UXS1: variants seen among roughly 807,000 people sequenced by gnomAD.
The protein encoded by UXS1 is UDP-glucuronate decarboxylase 1.
Under a neutral mutation model 62.6 loss-of-function variants are expected in UXS1, and 33 were observed. The ratio of observed to expected loss-of-function variants is 0.53; its 90% CI spans 0.40 to 0.70. UXS1 has a LOEUF of 0.70. Among genes scored for constraint, UXS1 ranks in the 30% least tolerant of loss-of-function variants. The pLI is 0.00. For synonymous variants in UXS1, 213 were observed against 206.8 expected, an observed-to-expected ratio of 1.03 and a Z score of -0.26; for missense variants, 434 against 556.3, an observed-to-expected ratio of 0.78 and a Z score of 2.21.
At chr2:106,146,188 G>C (rs182402250) in intron 5 of UXS1, among the ~76,000 whole-genome samples, 1 of 152,230 alleles carries the variant, frequency 6.6e-6, no homozygotes, top group African/African-American at 2.4e-5. Flanking sequence ...GGTTATAGGC[G>C]GTGGGAGTGA....
intron 5 of UXS1, among the ~76,000 whole-genome samples, chr2:106,153,098 G>A (rs1247602418): frequency 6.6e-6 from 1 of 152,142 alleles, no homozygotes; most frequent in Non-Finnish European, 1.5e-5. Context: ...TAAATAGAAG[G>A]CAATAGATCT....
rs74373035 is a variant in UXS1 at position 106,192,548 on chromosome 2, T to A, written c.94+1600A>T. On this transcript the variant is annotated intron_variant, in intron 1 of 14. Transcript: ENST00000283148. ...CAGCCTGGGCTGAACAGAGCGAGAC[T>A]CCGTCTCAAAAAAAAAAAAAAAACT... Among the ~76,000 whole-genome samples, 50 of 81,652 alleles carry A rather than the reference T, an allele frequency of 6.1e-4. No individual in the cohort carries two copies. The East Asian group carries it at 0.015, about 25-fold the overall frequency. 53.6% of individuals were successfully genotyped at this position (81,652 alleles called of 152,430 possible).
chr2:106,194,267 C>A lies in UXS1; in HGVS notation c.-26G>T, dbSNP rs1200036036. 31 of 1,320,130 alleles carry A rather than the reference C, an allele frequency of 2.3e-5. 2 individuals are homozygous for A. In the Admixed American group the frequency reaches 8.8e-4, roughly 37 times the overall value. The allele number at this position is 1,320,130 out of a possible 1,614,324, so 81.8% of individuals were successfully genotyped here. A position where few individuals can be genotyped will look rare whatever the true frequency, so the allele number is the denominator to read the frequency against. On this transcript the variant is annotated 5_prime_UTR_variant, in exon 1 of 15. Coordinates refer to ENST00000283148, the MANE Select transcript of UXS1 (RefSeq NM_001253875.2). Reference sequence around the variant, plus strand: ...CCCCGGGAGCCGCGCGGGTCCAGGGCCCTACCGCGCGGGGGCCCGCCTGCT... The same window carrying A: ...CCCCGGGAGCCGCGCGGGTCCAGGGACCTACCGCGCGGGGGCCCGCCTGCT...
chr2:106,117,175 G>A (rs1044817615), intron 9 of UXS1, among the ~76,000 whole-genome samples: 2 of 152,206 alleles, frequency 1.3e-5, no homozygotes, highest in Non-Finnish European at 2.9e-5. Context: ...AGTACGCCCT[G>A]TGAGAGGTTG....
intron 5 of UXS1, among the ~76,000 whole-genome samples, chr2:106,150,218 T>C (rs946651096): frequency 6.6e-6 from 1 of 152,152 alleles, no homozygotes; most frequent in Non-Finnish European, 1.5e-5. Flanking sequence ...ACAGATTGTA[T>C]AACTAAAAGG....
chr2:106,159,957 C>G (rs971311732), intron 4 of UXS1: 1 of 152,174 alleles, frequency 6.6e-6, no homozygotes, highest in African/African-American at 2.4e-5. Flanking sequence ...ATGGGAGAGT[C>G]TGAGGGCAAG....
chr2:106,176,611 C>G (rs1016068217), intron 1 of UXS1, among the ~76,000 whole-genome samples: 1 of 152,164 alleles, frequency 6.6e-6, no homozygotes, highest in Non-Finnish European at 1.5e-5. Flanking sequence ...CCTGAAGGAG[C>G]CTTAGCCCTA....
chr2:106,113,614 G>A (rs551139109), intron 9 of UXS1, among the ~76,000 whole-genome samples: 97 of 152,322 alleles, frequency 6.4e-4, no homozygotes, highest in African/African-American at 2.2e-3. Context: ...TGCCATGGAT[G>A]GAAAAATTAA....
At chr2:106,182,237 C>T (rs1163806074) in intron 1 of UXS1, among the ~76,000 whole-genome samples, 1 of 152,160 alleles carries the variant, frequency 6.6e-6, no homozygotes, top group East Asian at 1.9e-4. Flanking sequence ...CTAACAATAG[C>T]TGAAGAGCAA....
At chr2:106,165,218 T>A (rs1683137449) in intron 2 of UXS1, among the ~76,000 whole-genome samples, 1 of 152,086 alleles carries the variant, frequency 6.6e-6, no homozygotes, top group African/African-American at 2.4e-5. Context: ...CCCCACCTAG[T>A]CATACACAGC....
At chr2:106,113,679 A>T (rs1025816633) in intron 9 of UXS1, among the ~76,000 whole-genome samples, 6 of 152,238 alleles carry the variant, frequency 3.9e-5, no homozygotes, top group African/African-American at 1.4e-4. Context: ...TACGTATCTA[A>T]TGTTTGATCC....
chr2:106,136,306 T>C (rs1425274091), intron 6 of UXS1, among the ~76,000 whole-genome samples: 1 of 143,746 alleles, frequency 7.0e-6, no homozygotes, highest in Non-Finnish European at 1.5e-5. Flanking sequence ...ACTTTTACAC[T>C]GTTGGTGGGA....
At chr2:106,162,981 T>G (rs1268201278) in intron 4 of UXS1, among the ~76,000 whole-genome samples, 1 of 152,218 alleles carries the variant, frequency 6.6e-6, no homozygotes, top group Non-Finnish European at 1.5e-5. Context: ...CTTTAATAAA[T>G]GCTGTCATTT....
chr2:106,103,421 T>C (rs1012145144), intron 11 of UXS1, among the ~76,000 whole-genome samples: 2 of 152,104 alleles, frequency 1.3e-5, no homozygotes, highest in African/African-American at 4.8e-5. Flanking sequence ...CAAGACTCCC[T>C]CAGAAAAGGG....
chr2:106,160,184 A>C (rs967078905), intron 4 of UXS1: 2 of 152,034 alleles, frequency 1.3e-5, no homozygotes, highest in African/African-American at 2.4e-5. Flanking sequence ...TCCCTCACCA[A>C]CTCAGCTAGG....
chr2:106,094,457 T>C (rs1378681702), intron 14 of UXS1, among the ~76,000 whole-genome samples: 1 of 152,216 alleles, frequency 6.6e-6, no homozygotes, highest in Non-Finnish European at 1.5e-5. Flanking sequence ...CTTGCTGGTA[T>C]AATGTCTACT....
At chr2:106,156,865 T>C (rs536116347) in intron 5 of UXS1, among the ~76,000 whole-genome samples, 77 of 152,354 alleles carry the variant, frequency 5.1e-4, no homozygotes, top group Admixed American at 2.4e-3. Flanking sequence ...ATGGAGGGCC[T>C]ACTGTATAAA....
At chr2:106,115,798 A>G (rs1184725380) in intron 9 of UXS1, among the ~76,000 whole-genome samples, 1 of 152,232 alleles carries the variant, frequency 6.6e-6, no homozygotes, top group African/African-American at 2.4e-5. Flanking sequence ...GAAAACTGCC[A>G]TCATTATTAT....
Position 106,097,409 on chromosome 2 carries a change from T to G in UXS1, c.1043-588A>C, listed in dbSNP as rs1208433729. Reference sequence around the variant, plus strand: ...CCCACCAGTGACTGTGGGCCAGACCTGCAGAAGAAAGCCTGTGGAGGCTTT... The same window carrying G: ...CCCACCAGTGACTGTGGGCCAGACCGGCAGAAGAAAGCCTGTGGAGGCTTT... On this transcript the variant is annotated intron_variant, in intron 13 of 14. Transcript: ENST00000283148. The G allele has an allele frequency of 5.7e-6, 2 of 349,918 alleles. 1 individual carries two copies. The highest frequency in any genetic ancestry group is 4.2e-5 in the South Asian group (2 of 47,446). 21.7% of individuals were successfully genotyped at this position (349,918 alleles called of 1,614,324 possible). A position where few individuals can be genotyped will look rare whatever the true frequency, so the allele number is the denominator to read the frequency against.
Sources: gnomAD v4.1 joint callset for allele counts (sites outside exome capture counted in the v4.1 genomes callset) on GRCh38, gnomAD v4.1.1 for gene constraint, MANE v1.5 for transcripts, NCBI Gene and HGNC (gene_info 2026-07-23, HGNC 2026-07-21) for gene names.